Variants in DDR2 observed in about 807,000 individuals in gnomAD.
DDR2 encodes discoidin domain receptor tyrosine kinase 2.
DDR2 carries 27 observed loss-of-function variants against 94.9 expected under a neutral mutation model. That is an observed-to-expected ratio of 0.28 (90% CI 0.21 to 0.39). The LOEUF is 0.39. Ranked by LOEUF, DDR2 falls within the 10% of genes least tolerant of loss-of-function variation. The probability of loss-of-function intolerance (pLI) is 1.00; values close to 1 mark genes in which losing one functional copy is unlikely to be tolerated. For synonymous variants in DDR2, 382 were observed against 377.2 expected, an observed-to-expected ratio of 1.01 and a Z score of -0.15; for missense variants, 783 against 1,076.0, an observed-to-expected ratio of 0.73 and a Z score of 3.81.
intron 8 of DDR2, 25 bp downstream of exon 8, chr1:162,760,004 A>G: frequency 6.2e-7 from 1 of 1,613,980 alleles, no homozygotes; most frequent in Non-Finnish European, 8.5e-7. Context: ...GTGTGGTGGA[A>G]CTTCTTTAAG....
chr1:162,689,841 T>TGAA (rs1558028580), intron 2 of DDR2, among the ~76,000 whole-genome samples: 2 of 14,686 alleles, frequency 1.4e-4, no homozygotes, highest in African/African-American at 3.1e-4. Flanking sequence ...CCATCTCTAC[T>TGAA]TAAAAAAAAA....
At chr1:162,729,298 ATATTTTTTT>A (rs1231199137) in intron 3 of DDR2, among the ~76,000 whole-genome samples, 1 of 34,448 alleles carries the variant, frequency 2.9e-5, no homozygotes, top group Non-Finnish European at 9.1e-5. Context: ...ATATATATAT[ATATTTTTTT>A]TTTTTTTTTT....
chr1:162,713,083 G>A (rs927521239), intron 2 of DDR2, among the ~76,000 whole-genome samples: 1 of 152,166 alleles, frequency 6.6e-6, no homozygotes, highest in African/African-American at 2.4e-5. Flanking sequence ...CTCTCCACAG[G>A]ATTGTGGTGA....
intron 2 of DDR2, chr1:162,704,913 G>T (rs990448877): frequency 6.6e-6 from 1 of 152,192 alleles, no homozygotes; most frequent in Admixed American, 6.5e-5. Flanking sequence ...TTTCCATGCG[G>T]GGCCTGCCAG....
intron 3 of DDR2, among the ~76,000 whole-genome samples, chr1:162,719,866 T>C (rs963110211): frequency 2.0e-5 from 3 of 152,154 alleles, no homozygotes; most frequent in African/African-American, 7.2e-5. Context: ...CAGCTGGCTA[T>C]TGGCTCATCT....
rs774910486 is a variant in DDR2 at position 162,741,199 on chromosome 1, C to T, written c.83-11896C>T. ...TAATATAATATAACATAACATAATA[C>T]AATACAATACAATATAATATAATAT... On this transcript the variant is annotated intron_variant, in intron 3 of 17. Transcript: ENST00000367921. 4.2e-3 allele frequency among the ~76,000 whole-genome samples: 255 copies of T among 61,308 alleles called. 1 individual carries two copies. Among genetic ancestry groups the T allele is most frequent in the African/African-American group, 0.011 (206 of 19,090 alleles). The allele number at this position is 61,308 out of a possible 152,430, so 40.2% of individuals were successfully genotyped here.
chr1:162,711,059 T>C (rs1181974219), intron 2 of DDR2, among the ~76,000 whole-genome samples: 2 of 152,216 alleles, frequency 1.3e-5, no homozygotes, highest in African/African-American at 4.8e-5. Context: ...AGATAGTCCC[T>C]AGCTTTTGGA....
chr1:162,651,844 C>A (rs558068061), intron 1 of DDR2, among the ~76,000 whole-genome samples: 1 of 152,140 alleles, frequency 6.6e-6, no homozygotes, highest in Non-Finnish European at 1.5e-5. Context: ...ATTCTACTTT[C>A]GTGTCAAGCT....
chr1:162,705,817 G>A (rs1235465017), intron 2 of DDR2, among the ~76,000 whole-genome samples: 2 of 152,210 alleles, frequency 1.3e-5, no homozygotes, highest in African/African-American at 2.4e-5. Flanking sequence ...AGATCCTTCT[G>A]AGGCCCTGAA....
rs184661617 is a variant in DDR2 at position 162,785,930 on chromosome 1, T to G, written c.*5684T>G. The G allele has an allele frequency of 1.3e-5, 2 of 152,356 alleles. No individual in the cohort carries two copies. The highest frequency in any genetic ancestry group is 1.3e-4 in the Admixed American group (2 of 15,306). The allele number at this position is 152,356 out of a possible 1,614,324, so 9.4% of individuals were successfully genotyped here. A position where few individuals can be genotyped will look rare whatever the true frequency, so the allele number is the denominator to read the frequency against. On this transcript the variant is annotated 3_prime_UTR_variant, in exon 18 of 18. Transcript: ENST00000367921. Reference sequence around the variant, plus strand: ...AAGGAGAGACCAGACTCTGGCCTCATACCCAGCCTATTTGAAACAAGCTAT... The same window carrying G: ...AAGGAGAGACCAGACTCTGGCCTCAGACCCAGCCTATTTGAAACAAGCTAT...
At chr1:162,721,382 G>C (rs1188960026) in intron 3 of DDR2, among the ~76,000 whole-genome samples, 1 of 152,086 alleles carries the variant, frequency 6.6e-6, no homozygotes, top group Non-Finnish European at 1.5e-5. Context: ...TAGACTTCTT[G>C]CTTTGCAAAG....
chr1:162,679,775 T>A (rs1448248156), intron 2 of DDR2, among the ~76,000 whole-genome samples: 1 of 152,070 alleles, frequency 6.6e-6, no homozygotes, highest in African/African-American at 2.4e-5. Flanking sequence ...TATGTGTTTT[T>A]TTTTCAACCT....
chr1:162,653,000 G>T (rs1657777149), intron 1 of DDR2, among the ~76,000 whole-genome samples: 1 of 152,224 alleles, frequency 6.6e-6, no homozygotes, highest in Admixed American at 6.5e-5. Flanking sequence ...CAGCTACTTG[G>T]GAGGCTGAGG....
chr1:162,710,764 G>GCACACACACACACACACACA lies in DDR2; in HGVS notation c.-27-8268_-27-8249dup, dbSNP rs113812328. ...AAATGCAAGTGCCACACACAGTCAT[G>GCACACACACACACACACACA]CACACACACACACACACACACACAA... On this transcript the variant is annotated intron_variant, in intron 2 of 17. Coordinates refer to ENST00000367921, the MANE Select transcript of DDR2 (RefSeq NM_006182.4). Among the ~76,000 whole-genome samples, 91 of 148,144 alleles carry GCACACACACACACACACACA rather than the reference G, an allele frequency of 6.1e-4. 1 individual carries two copies. Among genetic ancestry groups the GCACACACACACACACACACA allele is most frequent in the African/African-American group, 2.1e-3 (83 of 40,346 alleles).
chr1:162,703,388 T>C (rs1660516775), intron 2 of DDR2, among the ~76,000 whole-genome samples: 1 of 152,148 alleles, frequency 6.6e-6, no homozygotes, highest in African/African-American at 2.4e-5. Flanking sequence ...TATTATGCTA[T>C]TGTTCTCATC....
At chr1:162,672,787 C>T (rs986965185) in intron 2 of DDR2, among the ~76,000 whole-genome samples, 13 of 152,112 alleles carry the variant, frequency 8.5e-5, no homozygotes, top group South Asian at 2.1e-4. Flanking sequence ...AATGTTCTGG[C>T]GGCCATTCTC....
rs2102206381 is a variant in DDR2, at chr1:162,778,635, C to T, written c.2339C>T (p.Thr780Ile). 6 of 1,614,018 alleles carry T rather than the reference C, an allele frequency of 3.7e-6. No homozygotes were observed. The highest frequency in any genetic ancestry group is 5.1e-6 in the Non-Finnish European group (6 of 1,179,944). The change falls in exon 17 of 18, where the codon ACT (threonine) becomes ATT (isoleucine). Residue 780 changes from threonine to isoleucine, a missense_variant. Physicochemically the swap from Thr to Ile is moderately conservative, Grantham distance 89. Transcript: ENST00000367921. Reference protein sequence around the residue: ...VWAFGVTLWETFTFCQEQPYS... With the variant: ...VWAFGVTLWEIFTFCQEQPYS... ...GCCTTTGGGGTTACTTTGTGGGAGA[C>T]TTTCACCTTTTGTCAAGAACAGCCC...
At chr1:162,684,475 A>G (rs116147969) in intron 2 of DDR2, among the ~76,000 whole-genome samples, 7,270 of 152,040 alleles carry the variant, frequency 0.048, 218 homozygotes, top group South Asian at 0.085. Flanking sequence ...CCCAACTAAC[A>G]CCACTAATTC....
At chr1:162,707,021 C>T (rs1401405707) in intron 2 of DDR2, among the ~76,000 whole-genome samples, 1 of 152,070 alleles carries the variant, frequency 6.6e-6, no homozygotes, top group African/African-American at 2.4e-5. Context: ...GGGTAGGGAC[C>T]AGGAAAAGAA....
Sources: allele counts gnomAD v4.1 joint callset (sites outside exome capture counted in the v4.1 genomes callset), GRCh38; gene constraint gnomAD v4.1.1; transcripts MANE v1.5; gene names NCBI Gene and HGNC (gene_info 2026-07-23, HGNC 2026-07-21).